FBXO16: variants seen among roughly 807,000 people sequenced by gnomAD.
FBXO16 encodes the protein F-box protein 16.
FBXO16 carries 31 observed loss-of-function variants against 41.0 expected under a neutral mutation model. The ratio of observed to expected loss-of-function variants is 0.76; its 90% CI spans 0.57 to 1.02. The LOEUF is 1.02. FBXO16 is among the 50% of genes least tolerant of loss of function. The pLI is 0.00. For synonymous variants in FBXO16, 133 were observed against 117.8 expected, an observed-to-expected ratio of 1.13 and a Z score of -0.84; for missense variants, 361 against 346.2, an observed-to-expected ratio of 1.04 and a Z score of -0.34.
In FBXO16 at chr8:28,428,533, C is replaced by A. The variant is rs887254690; in HGVS notation, c.*194G>T. On this transcript the variant is annotated 3_prime_UTR_variant, in exon 9 of 9. Transcript: ENST00000380254. ...CTCTCCACTGTGCAAAGCATCTTGT[C>A]ATTTCTATAATAAAAGTCTTTCCAT... The A allele has an allele frequency of 3.3e-6, 5 of 1,536,788 alleles. No homozygotes were observed. The African/African-American group carries it at 5.5e-5, about 17-fold the overall frequency.
At chr8:28,489,306 C>T (rs1302810925) in intron 1 of FBXO16, among the ~76,000 whole-genome samples, 1 of 152,034 alleles carries the variant, frequency 6.6e-6, no homozygotes, top group Non-Finnish European at 1.5e-5. Context: ...CATGCCACTG[C>T]ACTCCAGCCT....
At chr8:28,432,128 AGTGTGTGTGTGTGT>A (rs56917233) in intron 7 of FBXO16, among the ~76,000 whole-genome samples, 5 of 142,916 alleles carry the variant, frequency 3.5e-5, no homozygotes, top group Admixed American at 2.1e-4. Context: ...CTATGTATGG[AGTGTGTGTGTGTGT>A]GTGTGTGTGT....
intron 7 of FBXO16, among the ~76,000 whole-genome samples, chr8:28,441,910 A>ATGTGTGTGTGTGTGTG: frequency 9.3e-6 from 1 of 107,894 alleles, no homozygotes; most frequent in Admixed American, 1.1e-4. Context: ...GTATATATAT[A>ATGTGTGTGTGTGTGTG]TGTGTGTGTG....
At chr8:28,480,684 T>C (rs1280948931) in intron 2 of FBXO16, among the ~76,000 whole-genome samples, 2 of 151,980 alleles carry the variant, frequency 1.3e-5, no homozygotes, top group Non-Finnish European at 2.9e-5. Context: ...TTATATTTTT[T>C]AGTAGAGATG....
At chr8:28,449,226 A>G (rs1802913480) in intron 6 of FBXO16, 1 of 152,122 alleles carries the variant, frequency 6.6e-6, no homozygotes, top group Non-Finnish European at 1.5e-5. Context: ...ATTGCAAGGA[A>G]AAAAAAGGAC....
intron 1 of FBXO16, among the ~76,000 whole-genome samples, chr8:28,488,497 T>A (rs1388489128): frequency 6.6e-6 from 1 of 150,880 alleles, no homozygotes; most frequent in African/African-American, 2.4e-5. Context: ...AGAGATAAGG[T>A]CTTGCTTTGT....
intron 4 of FBXO16, among the ~76,000 whole-genome samples, chr8:28,458,544 CTTTTT>C (rs34617439): frequency 3.4e-5 from 3 of 87,566 alleles, no homozygotes; most frequent in Admixed American, 1.5e-4. Context: ...TCTTCTTCTT[CTTTTT>C]TTTTTTTTTT....
At chr8:28,460,225 G>GTATATATATATATATATA (rs771679568) in intron 4 of FBXO16, among the ~76,000 whole-genome samples, 13 of 75,218 alleles carry the variant, frequency 1.7e-4, no homozygotes, top group African/African-American at 7.7e-4. Context: ...ATATGTGTGT[G>GTATATATATATATATATA]TATATATATA....
chr8:28,484,552 G>A (rs2130206457), intron 1 of FBXO16, among the ~76,000 whole-genome samples: 1 of 152,254 alleles, frequency 6.6e-6, no homozygotes, highest in African/African-American at 2.4e-5. Flanking sequence ...AGGCCAGTTG[G>A]GCTGACAATA....
chr8:28,459,620 C>CAAAAAAAAAAAA (rs1203607328), intron 4 of FBXO16, among the ~76,000 whole-genome samples: 1 of 95,316 alleles, frequency 1.0e-5, no homozygotes, highest in African/African-American at 4.2e-5. Flanking sequence ...GACCCTGTCT[C>CAAAAAAAAAAAA]AAAAATAATA....
At chr8:28,439,125 G>T (rs1015229950) in intron 7 of FBXO16, among the ~76,000 whole-genome samples, 24 of 150,412 alleles carry the variant, frequency 1.6e-4, no homozygotes, top group African/African-American at 5.9e-4. Flanking sequence ...GAAAAGAAAA[G>T]AAAATAGAAA....
intron 6 of FBXO16, among the ~76,000 whole-genome samples, chr8:28,451,133 T>G (rs1802945644): frequency 6.6e-6 from 1 of 152,052 alleles, no homozygotes; most frequent in Non-Finnish European, 1.5e-5. Flanking sequence ...GTACAATATT[T>G]TAATAAACAA....
intron 7 of FBXO16, among the ~76,000 whole-genome samples, chr8:28,438,155 A>C (rs1339956621): frequency 6.6e-6 from 1 of 152,080 alleles, no homozygotes; most frequent in Non-Finnish European, 1.5e-5. Context: ...GTCTCTACTA[A>C]AAATACAAAA....
chr8:28,456,842 GGAGA>G lies in FBXO16; in HGVS notation c.427_430del (p.Ser143GlnfsTer17). On this transcript the variant is annotated frameshift_variant, in exon 5 of 9. Coordinates refer to ENST00000380254, the MANE Select transcript of FBXO16 (RefSeq NM_172366.4). LOFTEE classifies it high-confidence loss of function. ...CCAGATCCCCTGCTCAAAGGGAGTT[GGAGA>G]GAAATTGATGTACCAGTTAAACCGT... The G allele has an allele frequency of 6.2e-7, 1 of 1,614,068 alleles. No homozygotes were observed. The highest frequency in any genetic ancestry group is 8.5e-7 in the Non-Finnish European group (1 of 1,180,000).
intron 3 of FBXO16, among the ~76,000 whole-genome samples, chr8:28,464,855 T>C (rs1282142166): frequency 3.9e-5 from 6 of 152,160 alleles, no homozygotes; most frequent in Admixed American, 3.9e-4. Context: ...GGTTTCACCA[T>C]GTTGGTCAGG....
chr8:28,439,435 A>T (rs1441346339), intron 7 of FBXO16, among the ~76,000 whole-genome samples: 1 of 152,090 alleles, frequency 6.6e-6, no homozygotes, highest in Non-Finnish European at 1.5e-5. Context: ...CCAAACAGAC[A>T]TTGTTATAAA....
At chr8:28,459,666 A>AATAATG (rs1185627549) in intron 4 of FBXO16, among the ~76,000 whole-genome samples, 2 of 145,426 alleles carry the variant, frequency 1.4e-5, no homozygotes, top group Admixed American at 6.9e-5. Flanking sequence ...TAATAATAAT[A>AATAATG]ATGCATCATA....
chr8:28,463,294 TTGTG>T (rs370359214), intron 4 of FBXO16, among the ~76,000 whole-genome samples: 6 of 150,000 alleles, frequency 4.0e-5, no homozygotes, highest in Non-Finnish European at 5.9e-5. Flanking sequence ...ATATGTATGT[TTGTG>T]TGTGTTTGTG....
intron 6 of FBXO16, among the ~76,000 whole-genome samples, chr8:28,449,691 G>A (rs751315574): frequency 2.0e-5 from 3 of 151,850 alleles, no homozygotes; most frequent in East Asian, 1.9e-4. Flanking sequence ...AGGGTGATAC[G>A]GGTCAGGTGC....
Sources: allele counts gnomAD v4.1 joint callset (sites outside exome capture counted in the v4.1 genomes callset), GRCh38; gene constraint gnomAD v4.1.1; transcripts MANE v1.5; gene names NCBI Gene and HGNC (gene_info 2026-07-23, HGNC 2026-07-21).